The following SAXO1 variants were observed in gnomAD, a reference collection of about 807,000 sequenced individuals.
SAXO1 encodes 4930500O09Rik.
SAXO1 carries 21 observed loss-of-function variants against 17.5 expected under a neutral mutation model. That is an observed-to-expected ratio of 1.20 (90% CI 0.85 to 1.72). The LOEUF is 1.72. Among genes scored for constraint, SAXO1 ranks in the 40% most tolerant of loss-of-function variants. SAXO1 has a pLI of 0.00. For synonymous variants in SAXO1, 274 were observed against 216.5 expected, an observed-to-expected ratio of 1.27 and a Z score of -2.33; for missense variants, 843 against 596.0, an observed-to-expected ratio of 1.41 and a Z score of -4.32.
intron 1 of SAXO1, among the ~76,000 whole-genome samples, chr9:19,030,327 A>G (rs982983056): frequency 1.3e-5 from 2 of 152,228 alleles, no homozygotes; most frequent in African/African-American, 4.8e-5. Context: ...CACAAAAATG[A>G]GAGAACCAGG....
intron 1 of SAXO1, among the ~76,000 whole-genome samples, chr9:18,998,271 T>C (rs2130947516): frequency 6.6e-6 from 1 of 152,206 alleles, no homozygotes; most frequent in South Asian, 2.1e-4. Context: ...AGAGCTTAAA[T>C]GACCTCGTGG....
At chr9:18,931,682 G>C (rs56154601) in intron 3 of SAXO1, among the ~76,000 whole-genome samples, 28,333 of 152,164 alleles carry the variant, frequency 0.19, 2,986 homozygotes, top group African/African-American at 0.27. Context: ...GTCAATATTT[G>C]TTATCATCTG....
At chr9:18,937,235 A>T (rs1831335846) in intron 3 of SAXO1, among the ~76,000 whole-genome samples, 1 of 152,232 alleles carries the variant, frequency 6.6e-6, no homozygotes, top group African/African-American at 2.4e-5. Flanking sequence ...GGTAAGTGGC[A>T]TGGGCCTTCT....
At chr9:19,040,847 T>C (rs1474835618) in intron 1 of SAXO1, among the ~76,000 whole-genome samples, 1 of 152,012 alleles carries the variant, frequency 6.6e-6, no homozygotes, top group Non-Finnish European at 1.5e-5. Context: ...GTGGAAATAC[T>C]CTAAAATTGA....
intron 1 of SAXO1, among the ~76,000 whole-genome samples, chr9:19,040,637 C>A (rs985447183): frequency 6.6e-6 from 1 of 151,266 alleles, no homozygotes; most frequent in African/African-American, 2.4e-5. Context: ...GAGTGAGATT[C>A]TTTCTCCAAA....
intron 1 of SAXO1, among the ~76,000 whole-genome samples, chr9:19,008,709 G>T (rs1834593076): frequency 1.3e-5 from 2 of 152,138 alleles, no homozygotes; most frequent in Non-Finnish European, 2.9e-5. Flanking sequence ...TGCATGTGCT[G>T]TCATACTAAC....
intron 1 of SAXO1, among the ~76,000 whole-genome samples, chr9:18,995,973 G>A (rs1052527781): frequency 1.3e-5 from 2 of 151,830 alleles, no homozygotes; most frequent in African/African-American, 4.8e-5. Flanking sequence ...CAGCTATTCG[G>A]GAGGCTGGGG....
intron 1 of SAXO1, among the ~76,000 whole-genome samples, chr9:18,967,999 G>A (rs1832794147): frequency 6.6e-6 from 1 of 152,160 alleles, no homozygotes; most frequent in Non-Finnish European, 1.5e-5. Flanking sequence ...GGCTAAGTGA[G>A]GGAGTTCCCC....
At chr9:19,003,952 C>T (rs1184866984) in intron 1 of SAXO1, among the ~76,000 whole-genome samples, 2 of 152,136 alleles carry the variant, frequency 1.3e-5, no homozygotes, top group Non-Finnish European at 2.9e-5. Context: ...TCACAGTTGG[C>T]AACCCACAGA....
chr9:18,983,816 G>A (rs555284779), intron 1 of SAXO1, among the ~76,000 whole-genome samples: 1 of 152,132 alleles, frequency 6.6e-6, no homozygotes, highest in African/African-American at 2.4e-5. Context: ...TTTCTTAATG[G>A]CGTCTAGAAT....
intron 1 of SAXO1, among the ~76,000 whole-genome samples, chr9:19,039,502 C>G (rs1836023914): frequency 6.6e-6 from 1 of 152,100 alleles, no homozygotes; most frequent in Non-Finnish European, 1.5e-5. Context: ...AAAGTTTAGT[C>G]CTTAATAGTT....
At chr9:18,959,110 C>T (rs993677493) in intron 1 of SAXO1, among the ~76,000 whole-genome samples, 6 of 152,056 alleles carry the variant, frequency 3.9e-5, no homozygotes, top group Non-Finnish European at 7.4e-5. Flanking sequence ...GGGGTGGGGA[C>T]AAGGACTCAG....
intron 3 of SAXO1, among the ~76,000 whole-genome samples, chr9:18,938,807 T>C (rs141781943): frequency 6.8e-6 from 1 of 146,564 alleles, no homozygotes; most frequent in African/African-American, 2.5e-5. Context: ...TGTGGTGGGG[T>C]GCATGCGTGC....
At chr9:19,035,673 C>T (rs1370107475), upstream of SAXO1, among the ~76,000 whole-genome samples, 4 of 152,058 alleles carry the variant, frequency 2.6e-5, no homozygotes, top group South Asian at 4.1e-4. Context: ...ATGCTGATAG[C>T]GATATGGACA....
chr9:18,948,450 A>G (rs1471259769), intron 2 of SAXO1, among the ~76,000 whole-genome samples: 2 of 152,148 alleles, frequency 1.3e-5, no homozygotes, highest in African/African-American at 4.8e-5. Context: ...TATTTTGGAA[A>G]TTCTTGCAGA....
chr9:19,022,023 G>T (rs1835258568), intron 1 of SAXO1, among the ~76,000 whole-genome samples: 1 of 152,206 alleles, frequency 6.6e-6, no homozygotes. Flanking sequence ...TTGTTCTTTT[G>T]CTCTTCACAA....
chr9:18,956,464 C>T (rs1024650399), intron 1 of SAXO1, among the ~76,000 whole-genome samples: 2 of 151,848 alleles, frequency 1.3e-5, no homozygotes, highest in Admixed American at 6.6e-5. Flanking sequence ...TGTCTTGCCT[C>T]CACCAGTCTT....
intron 1 of SAXO1, among the ~76,000 whole-genome samples, chr9:18,981,660 T>C (rs1443403334): frequency 1.3e-5 from 2 of 152,202 alleles, no homozygotes; most frequent in East Asian, 3.8e-4. Context: ...ATGGGGGTGA[T>C]AACTCCTGAG....
chr9:18,931,545 T>A (rs575426558), intron 3 of SAXO1, among the ~76,000 whole-genome samples: 1 of 152,318 alleles, frequency 6.6e-6, no homozygotes, highest in South Asian at 2.1e-4. Flanking sequence ...ATTGCTAGGT[T>A]GTATAGAAAA....
Sources: allele counts gnomAD v4.1 joint callset (sites outside exome capture counted in the v4.1 genomes callset), GRCh38; gene constraint gnomAD v4.1.1; transcripts MANE v1.5; gene names NCBI Gene and HGNC (gene_info 2026-07-23, HGNC 2026-07-21).